Variants in HK1 observed in about 807,000 individuals in gnomAD.
The protein encoded by HK1 is hexokinase-1.
HK1 carries 28 observed loss-of-function variants against 91.6 expected under a neutral mutation model. The ratio of observed to expected loss-of-function variants is 0.31; its 90% confidence interval spans 0.23 to 0.42. The LOEUF is 0.42. HK1 is among the 10% of genes least tolerant of loss of function. The pLI is 1.00. For synonymous variants in HK1, 430 were observed against 468.1 expected (o/e 0.92, Z 1.05); for missense variants, 770 against 1,219.8 (o/e 0.63, Z 5.49).
At chr10:69,317,539 C>G (rs1308510150), upstream of HK1, among the ~76,000 whole-genome samples, 2 of 152,174 alleles carry the variant, frequency 1.3e-5, no homozygotes, top group African/African-American at 4.8e-5. Context: ...AAGTCAAGAG[C>G]TAGGGTAGAG....
chr10:69,279,590 A>G (rs1035265150), intron 1 of HK1, among the ~76,000 whole-genome samples: 1 of 152,240 alleles, frequency 6.6e-6, no homozygotes, highest in Non-Finnish European at 1.5e-5. Context: ...CCCAAGAAAC[A>G]TGTTTCTCCA....
At chr10:69,343,675 G>A in intron 1 of HK1, 152 bp from the exon 2 acceptor site, 1 of 752,932 alleles carries the variant, frequency 1.3e-6, no homozygotes, top group Non-Finnish European at 2.4e-6. Flanking sequence ...TGGGTGACAT[G>A]GATGACAGCA....
chr10:69,322,681 G>C (rs890853295), intron 1 of HK1, among the ~76,000 whole-genome samples: 1 of 151,564 alleles, frequency 6.6e-6, no homozygotes. Flanking sequence ...ACCTGAGGTC[G>C]GGAGTTCGAG....
intron 3 of HK1, among the ~76,000 whole-genome samples, chr10:69,291,494 A>C (rs1845295712): frequency 6.6e-6 from 1 of 152,142 alleles, no homozygotes; most frequent in Admixed American, 6.5e-5. Flanking sequence ...GGCCCAGTGA[A>C]GAAGGTGTCA....
At chr10:69,318,822 G>A (rs567367316), upstream of HK1, 2 of 1,426,736 alleles carry the variant, frequency 1.4e-6, no homozygotes, top group South Asian at 1.5e-5. Context: ...CCCGGGCCGA[G>A]GGGGAGGAGC....
chr10:69,382,653 C>T lies in HK1; in HGVS notation c.1432C>T (p.His478Tyr). The T allele has an allele frequency of 1.2e-6, 2 of 1,614,146 alleles. No individual in the cohort carries two copies. Residue 478 changes from histidine (H) to tyrosine (Y), a missense_variant, in exon 10 of 18, where the codon CAC becomes TAC. This residue lies in a region of HK1 where 449 missense variants were observed against 665.1 expected (regional missense o/e 0.68). Transcript: ENST00000359426. Reference sequence around the variant, plus strand: ...GATAGAGGAGACCCTGGCTCATTTCCACCTCACCAAGGACATGCTGCTGGA... The same window carrying T: ...GATAGAGGAGACCCTGGCTCATTTCTACCTCACCAAGGACATGCTGCTGGA... Reference protein sequence around the residue: ...RQIEETLAHFHLTKDMLLEVK... With the variant: ...RQIEETLAHFYLTKDMLLEVK...
At chr10:69,324,873 G>C (rs897577230) in intron 1 of HK1, among the ~76,000 whole-genome samples, 4 of 152,036 alleles carry the variant, frequency 2.6e-5, no homozygotes, top group Admixed American at 2.0e-4. Flanking sequence ...AATATACACT[G>C]GGTTGTGTTC....
intron 1 of HK1, among the ~76,000 whole-genome samples, chr10:69,281,880 G>A (rs373150782): frequency 1.3e-5 from 2 of 152,296 alleles, no homozygotes; most frequent in South Asian, 2.1e-4. Context: ...GTCTAGCCCA[G>A]CTCTCTCTGG....
rs1589576320 is a variant in HK1 at position 69,386,402 on chromosome 10, C to T, written c.1919C>T (p.Ala640Val). 3.1e-6 allele frequency: 5 copies of T among 1,611,348 alleles called. No individual in the cohort carries two copies. Among genetic ancestry groups the T allele is most frequent in the Non-Finnish European group, 4.2e-6 (5 of 1,177,626 alleles). The change falls in exon 13 of 18, where the codon GCG (alanine) becomes GTG (valine). Residue 640 changes from alanine to valine, a missense_variant. Physicochemically the swap from Ala to Val is moderately conservative, Grantham distance 64 (BLOSUM62 0). Transcript: ENST00000359426. ...GATGTAGTCACCTTACTAAGGGATG[C>T]GATAAAAAGGAGAGAGGTAACTATT... is the stretch of plus-strand genomic sequence containing the variant. ...GHDVVTLLRD[A>V]IKRREEFDLD...
At chr10:69,276,591 G>A (rs969909843) in intron 1 of HK1, among the ~76,000 whole-genome samples, 3 of 151,706 alleles carry the variant, frequency 2.0e-5, no homozygotes, top group African/African-American at 4.8e-5. Flanking sequence ...CCCGGGAGGC[G>A]GAGGTTGCAG....
chr10:69,379,532 G>A (rs1839281013), intron 8 of HK1, among the ~76,000 whole-genome samples: 1 of 152,228 alleles, frequency 6.6e-6, no homozygotes, highest in Admixed American at 6.5e-5. Flanking sequence ...CGAGTGGGAG[G>A]TTCTCCTGAG....
At chr10:69,315,503 G>A (rs3812690), upstream of HK1, among the ~76,000 whole-genome samples, 1 of 152,334 alleles carries the variant, frequency 6.6e-6, no homozygotes, top group East Asian at 1.9e-4. Context: ...TGGAGAGGGA[G>A]GGAACTAAGG....
At position 69,326,928 on chromosome 10, in the gene HK1, G is replaced by C. The variant is rs539183498; in HGVS notation, c.63+7918G>C. Among the ~76,000 whole-genome samples, 4 of 150,158 alleles carry C rather than the reference G, an allele frequency of 2.7e-5. No homozygotes were observed. In the South Asian group the frequency reaches 8.5e-4, roughly 32 times the overall value. ...TATTGCTTTATAGATATATGGTTTT[G>C]ATCTTTTGTAAATGGTGCTATACTG... is the stretch of plus-strand genomic sequence containing the variant. On this transcript the variant is annotated intron_variant, in intron 1 of 17. Transcript: ENST00000359426.
intron 13 of HK1, among the ~76,000 whole-genome samples, chr10:69,388,789 G>T (rs1839764659): frequency 6.6e-6 from 1 of 152,144 alleles, no homozygotes; most frequent in African/African-American, 2.4e-5. Context: ...CCTTGTATGT[G>T]TGCGTTTGTG....
In HK1 at chr10:69,281,442, C is replaced by G. The variant is rs116025875; in HGVS notation, c.-390-1087C>G. ...TCTTCCTCCTCTTTCTCTTCCTCAT[C>G]CTCCTCCTTTATCGAGGCTTACCTG... is the stretch of plus-strand genomic sequence containing the variant. On this transcript the variant is annotated intron_variant, in intron 1 of 21. Coordinates refer to the HK1 transcript ENST00000360289. Among the ~76,000 whole-genome samples, 1,066 of 152,316 alleles carry G rather than the reference C, an allele frequency of 7.0e-3. 18 individuals are homozygous for G. Among genetic ancestry groups the G allele is most frequent in the African/African-American group, 0.024 (1,018 of 41,562 alleles).
At position 69,392,113 on chromosome 10, in the gene HK1, C is replaced by T. The variant is rs753004750; in HGVS notation, c.2036-12C>T. On this transcript the variant is annotated splice_polypyrimidine_tract_variant and intron_variant, in intron 14 of 17. Coordinates refer to ENST00000359426, the MANE Select transcript of HK1 (RefSeq NM_000188.3). ...AGGCCACCGCTCCTCATTGCCCCCT[C>T]GTGTGTTCCAGGGACCGGCAGCAAT... 9 of 1,614,012 alleles carry T rather than the reference C, an allele frequency of 5.6e-6. No individual in the cohort carries two copies. The highest frequency in any genetic ancestry group is 3.3e-4 in the Middle Eastern group (2 of 6,058).
chr10:69,292,775 G>T (rs1242620683), intron 3 of HK1, among the ~76,000 whole-genome samples: 1 of 152,126 alleles, frequency 6.6e-6, no homozygotes, highest in Non-Finnish European at 1.5e-5. Flanking sequence ...ACCTGCAGGG[G>T]TGAGTGGAGA....
intron 1 of HK1, among the ~76,000 whole-genome samples, chr10:69,321,943 C>A (rs979442640): frequency 1.3e-5 from 2 of 152,208 alleles, no homozygotes; most frequent in Non-Finnish European, 2.9e-5. Context: ...CATATGTGTG[C>A]TTGTGAAGGA....
intron 2 of HK1, among the ~76,000 whole-genome samples, chr10:69,359,399 T>C (rs981470689): frequency 3.3e-5 from 5 of 152,194 alleles, no homozygotes; most frequent in Non-Finnish European, 5.9e-5. Flanking sequence ...TATGTGTATG[T>C]TACCACAATA....
Sources: gnomAD v4.1 joint callset for allele counts (sites outside exome capture counted in the v4.1 genomes callset) on GRCh38, gnomAD v4.1.1 for gene constraint, gnomAD v4.1.1 regional missense constraint, MANE v1.5 for transcripts, NCBI Gene and HGNC (gene_info 2026-07-23, HGNC 2026-07-21) for gene names.